STRN: variants seen among roughly 807,000 people sequenced by gnomAD.
STRN encodes protein phosphatase 2 regulatory subunit B'''alpha.
Under a neutral mutation model 96.3 loss-of-function variants are expected in STRN, and 53 were observed. The ratio of observed to expected loss-of-function variants is 0.55; its 90% CI spans 0.44 to 0.69. STRN has a LOEUF of 0.69. Among genes scored for constraint, STRN ranks in the 30% least tolerant of loss-of-function variants. The pLI, the probability that STRN is intolerant of heterozygous loss-of-function variation, is 0.00. For missense variants in STRN, 987 were observed against 963.9 expected, an observed-to-expected ratio of 1.02 and a Z score of -0.32; for synonymous variants, 428 against 355.9, an observed-to-expected ratio of 1.20 and a Z score of -2.28.
chr2:36,903,728 G>C (rs1304435738), intron 4 of STRN, among the ~76,000 whole-genome samples: 2 of 152,136 alleles, frequency 1.3e-5, no homozygotes, highest in Admixed American at 6.6e-5. Flanking sequence ...TGTGATCAAA[G>C]GGAGTAAGTG....
At chr2:36,892,409 A>T (rs1278244384) in intron 7 of STRN, among the ~76,000 whole-genome samples, 1 of 152,212 alleles carries the variant, frequency 6.6e-6, no homozygotes, top group Non-Finnish European at 1.5e-5. Context: ...ATGTACTCCC[A>T]AAACTGAAAG....
Position 36,911,707 on chromosome 2 carries a change from G to A in STRN, c.412+4371C>T, listed in dbSNP as rs191449047. Among the ~76,000 whole-genome samples, 22 of 152,088 alleles carry A rather than the reference G, an allele frequency of 1.4e-4. No individual in the cohort carries two copies. In the East Asian group the frequency reaches 4.1e-3, roughly 28 times the overall value. ...CTTCCCTCTGTAGTTTTAGTTCATG[G>A]CTTATCACTTCAATCATTCCTTTGT... On this transcript the variant is annotated intron_variant, in intron 3 of 17. Transcript: ENST00000263918.
intron 10 of STRN, among the ~76,000 whole-genome samples, chr2:36,871,309 G>T (rs182518197): frequency 6.6e-6 from 1 of 152,284 alleles, no homozygotes; most frequent in African/African-American, 2.4e-5. Flanking sequence ...AGCTCCATTC[G>T]TGATAAGTGT....
intron 9 of STRN, among the ~76,000 whole-genome samples, chr2:36,878,615 G>A (rs1025956867): frequency 6.6e-6 from 1 of 152,180 alleles, no homozygotes; most frequent in African/African-American, 2.4e-5. Context: ...TCTACTTGTT[G>A]ACCTAAGGGG....
rs753011181 is a variant in STRN at position 36,839,502 on chromosome 2, C to T, written c.*9954G>A. Among the ~76,000 whole-genome samples, 15 of 152,154 alleles carry T rather than the reference C, an allele frequency of 9.9e-5. No individual in the cohort carries two copies. Among genetic ancestry groups the T allele is most frequent in the Admixed American group, 6.5e-4 (10 of 15,270 alleles). On this transcript the variant is annotated 3_prime_UTR_variant, in exon 18 of 18. Coordinates refer to ENST00000263918, the MANE Select transcript of STRN (RefSeq NM_003162.4). ...AACTACATGACCAGAAGTCTGTATTCAGAGAGTGAACAAGTCATTTGCTGG... is the reference window on the plus strand; with the variant it reads ...AACTACATGACCAGAAGTCTGTATTTAGAGAGTGAACAAGTCATTTGCTGG...
At chr2:36,957,220 T>G (rs1295618304) in intron 1 of STRN, among the ~76,000 whole-genome samples, 1 of 152,212 alleles carries the variant, frequency 6.6e-6, no homozygotes, top group Non-Finnish European at 1.5e-5. Flanking sequence ...AGAAGTATAT[T>G]GGCCCTCAAA....
rs745761729 is a variant in STRN, at chr2:36,966,362, G to C, written c.102C>G (p.Gly34=). The change falls in exon 1 of 18, where the codon GGC becomes GGG. Residue 34 remains glycine (G), a synonymous_variant. Transcript: ENST00000263918. ...CCGCCCCCGCCGCAGCCGCCCCGTC[G>C]CCGGCCGCGGCAGCCTCCGCCAGAG... is the stretch of plus-strand genomic sequence containing the variant. The part of the protein sequence containing the change: ...LGPLAEAAAA[G]DGAAAAGAAR... 1.4e-6 allele frequency: 2 copies of C among 1,468,230 alleles called. No homozygotes were observed. Among genetic ancestry groups the C allele is most frequent in the Non-Finnish European group, 1.8e-6 (2 of 1,111,892 alleles). The allele number at this position is 1,468,230 out of a possible 1,614,324, so 91.0% of individuals were successfully genotyped here.
intron 7 of STRN, among the ~76,000 whole-genome samples, chr2:36,891,232 G>T (rs1669388550): frequency 6.6e-6 from 1 of 152,104 alleles, no homozygotes; most frequent in South Asian, 2.1e-4. Context: ...GTCATTAAAA[G>T]ATTCAACAAA....
Position 36,884,095 on chromosome 2 carries a change from G to A in STRN, c.1043-20C>T. On this transcript the variant is annotated intron_variant, in intron 8 of 17. Coordinates refer to ENST00000263918, the MANE Select transcript of STRN (RefSeq NM_003162.4). ...TGGGCCCTAGCCAAAAAAAGGGGGG[G>A]TGGGAGGAGATAAAAAAGAGAAAAG... The A allele has an allele frequency of 1.5e-6, 2 of 1,318,560 alleles. No homozygotes were observed. The highest frequency in any genetic ancestry group is 2.0e-4 in the Middle Eastern group (1 of 4,956). 81.7% of individuals were successfully genotyped at this position (1,318,560 alleles called of 1,614,324 possible). A position where few individuals can be genotyped will look rare whatever the true frequency, so the allele number is the denominator to read the frequency against.
intron 14 of STRN, among the ~76,000 whole-genome samples, chr2:36,856,581 T>A (rs1466410824): frequency 1.3e-5 from 2 of 152,296 alleles, no homozygotes; most frequent in Middle Eastern, 6.8e-3. Flanking sequence ...TAGATAAAAC[T>A]AATCTATGAT....
chr2:36,865,432 AATG>A (rs1452440386), intron 12 of STRN, among the ~76,000 whole-genome samples: 1 of 152,114 alleles, frequency 6.6e-6, no homozygotes, highest in Admixed American at 6.6e-5. Context: ...TTCTGGTTTC[AATG>A]ATATTTTATA....
Position 36,883,932 on chromosome 2 carries a change from CT to C in STRN, c.1185del (p.Val396TrpfsTer4). The C allele has an allele frequency of 7.3e-7, 1 of 1,368,852 alleles. No homozygotes were observed. Among genetic ancestry groups the C allele is most frequent in the Non-Finnish European group, 9.5e-7 (1 of 1,053,704 alleles). 84.8% of individuals were successfully genotyped at this position (1,368,852 alleles called of 1,614,324 possible). On this transcript the variant is annotated frameshift_variant and splice_region_variant, in exon 9 of 18. Transcript: ENST00000263918. LOFTEE classifies it high-confidence loss of function. ...LPEHEINRADEVEALTFPPSS... is the reference protein window; with the variant it reads ...LPEHEINRADXVEALTFPPSS... ...GCTCCAGAGTATCTTAAATACTTAC[CT>C]TCATCTGCCCTATTAATTTCATGTT... is the stretch of plus-strand genomic sequence containing the variant.
At chr2:36,884,192 T>C in intron 8 of STRN, 117 bp from the exon 9 acceptor site, 1 of 888,512 alleles carries the variant, frequency 1.1e-6, no homozygotes, top group Non-Finnish European at 1.5e-6. Flanking sequence ...CCTTTAAAAA[T>C]ATTCTACTAG....
chr2:36,962,749 C>T (rs913519159), intron 1 of STRN, among the ~76,000 whole-genome samples: 3 of 152,246 alleles, frequency 2.0e-5, no homozygotes, highest in African/African-American at 4.8e-5. Context: ...CCTCACGATC[C>T]GCCTGCCTTG....
rs181431404 is a variant in STRN, at chr2:36,934,993, G to A, written c.235-9785C>T. ...CTCGGGAGGCTGAGGCACAAGAATC[G>A]CTTGAATTTGGGAGGCAGAGGTTGC... On this transcript the variant is annotated intron_variant, in intron 1 of 17. Transcript: ENST00000263918. 2.3e-3 allele frequency among the ~76,000 whole-genome samples: 357 copies of A among 152,330 alleles called. 1 individual carries two copies. The highest frequency in any genetic ancestry group is 3.7e-3 in the Non-Finnish European group (255 of 68,040).
intron 10 of STRN, 31 bp from the exon 11 acceptor site, chr2:36,869,760 A>G: frequency 1.3e-6 from 2 of 1,519,984 alleles, no homozygotes; most frequent in Non-Finnish European, 1.8e-6. Context: ...AGATATCTAC[A>G]CACTTAGTTA....
In STRN at chr2:36,844,787, A is replaced by G. The variant is rs1572615106; in HGVS notation, c.*4669T>C. ...TCCAGTTGGATGATGGATATTGCCA[A>G]TTAAAAAGTTTGTAGTGGCAAAAGT... On this transcript the variant is annotated 3_prime_UTR_variant, in exon 18 of 18. Transcript: ENST00000263918. 6.6e-6 allele frequency: 1 copy of G among 152,190 alleles called. No homozygotes were observed. The highest frequency in any genetic ancestry group is 1.5e-5 in the Non-Finnish European group (1 of 68,026). 9.4% of individuals were successfully genotyped at this position (152,190 alleles called of 1,614,324 possible). A position where few individuals can be genotyped will look rare whatever the true frequency, so the allele number is the denominator to read the frequency against.
At chr2:36,907,350 C>G (rs377233788) in intron 3 of STRN, among the ~76,000 whole-genome samples, 1 of 152,154 alleles carries the variant, frequency 6.6e-6, no homozygotes. Flanking sequence ...GAGACAGACA[C>G]CAGCCTGGCT....
intron 9 of STRN, among the ~76,000 whole-genome samples, chr2:36,880,024 T>G (rs1572643552): frequency 6.6e-6 from 1 of 151,864 alleles, no homozygotes; most frequent in Non-Finnish European, 1.5e-5. Context: ...TGGAGTGCAG[T>G]GGTGTGATCT....
Sources: gnomAD v4.1 joint callset for allele counts (sites outside exome capture counted in the v4.1 genomes callset) on GRCh38, gnomAD v4.1.1 for gene constraint, MANE v1.5 for transcripts, NCBI Gene and HGNC (gene_info 2026-07-23, HGNC 2026-07-21) for gene names.